MAD1L1: variants seen among roughly 807,000 people sequenced by gnomAD.
The protein encoded by MAD1L1 is mitotic arrest deficient 1 like 1, also known as mitotic spindle assembly checkpoint protein MAD1.
A neutral mutation model predicts 96.9 loss-of-function variants in MAD1L1; 95 were observed. The ratio of observed to expected loss-of-function variants is 0.98; its 90% confidence interval spans 0.83 to 1.16. MAD1L1 has a LOEUF of 1.16. Among genes scored for constraint, MAD1L1 ranks in the 50% most tolerant of loss-of-function variants. The probability of loss-of-function intolerance (pLI) is 0.00; values close to 1 mark genes in which losing one functional copy is unlikely to be tolerated. For missense variants in MAD1L1, 1,007 were observed against 954.4 expected (o/e 1.06, Z -0.73); for synonymous variants, 473 against 396.6 (o/e 1.19, Z -2.29).
intron 10 of MAD1L1, among the ~76,000 whole-genome samples, chr7:2,201,119 T>G (rs940650766): frequency 6.6e-6 from 1 of 152,086 alleles, no homozygotes; most frequent in Admixed American, 6.5e-5. Context: ...AAAGCTGACG[T>G]TGAGGAATGT....
At chr7:1,826,972 T>C (rs1782426015) in intron 18 of MAD1L1, among the ~76,000 whole-genome samples, 2 of 152,176 alleles carry the variant, frequency 1.3e-5, no homozygotes, top group African/African-American at 4.8e-5. Flanking sequence ...TTATTATTAT[T>C]ATTATTCTAT....
At chr7:1,940,933 C>G (rs58869359) in intron 16 of MAD1L1, among the ~76,000 whole-genome samples, 1 of 69,146 alleles carries the variant, frequency 1.4e-5, no homozygotes, top group African/African-American at 5.6e-5. Context: ...GACCCTCCTC[C>G]CCCAGGCCTC....
intron 7 of MAD1L1, 92 bp from the exon 8 acceptor site, chr7:2,216,379 G>A (rs562831719): frequency 8.3e-5 from 109 of 1,308,832 alleles, no homozygotes; most frequent in Non-Finnish European, 9.8e-5. Flanking sequence ...GAAGGAAGCC[G>A]GTCTGCAACG....
chr7:2,066,194 C>T (rs564647412), intron 12 of MAD1L1, among the ~76,000 whole-genome samples: 6 of 152,338 alleles, frequency 3.9e-5, no homozygotes, highest in South Asian at 4.1e-4. Context: ...AGCAGAGGCC[C>T]AGAGCCCCCA....
chr7:2,113,216 TG>T (rs895425964), intron 11 of MAD1L1, among the ~76,000 whole-genome samples: 4 of 152,208 alleles, frequency 2.6e-5, no homozygotes, highest in Non-Finnish European at 5.9e-5. Context: ...AAAACCGCCC[TG>T]GGGCCATGGT....
chr7:1,889,678 G>A (rs748968199), intron 18 of MAD1L1, among the ~76,000 whole-genome samples: 2 of 152,254 alleles, frequency 1.3e-5, no homozygotes, highest in African/African-American at 2.4e-5. Flanking sequence ...GGAGTTACAC[G>A]CTTCTTTCCC....
intron 17 of MAD1L1, among the ~76,000 whole-genome samples, chr7:1,934,481 G>C (rs943767981): frequency 6.6e-6 from 1 of 151,114 alleles, no homozygotes; most frequent in Non-Finnish European, 1.5e-5. Flanking sequence ...ACACACGAGC[G>C]AACCCTAGAC....
chr7:2,053,902 C>A (rs1458468596), intron 12 of MAD1L1, among the ~76,000 whole-genome samples: 1 of 152,258 alleles, frequency 6.6e-6, no homozygotes. Flanking sequence ...AACACGGAGA[C>A]CCGAGGAGAC....
At chr7:2,230,512 ACACAAGAGAAGGG>A in intron 2 of MAD1L1, 24 bp downstream of exon 2, 1 of 199,890 alleles carries the variant, frequency 5.0e-6, no homozygotes, top group South Asian at 9.8e-5. Flanking sequence ...ACAGAGACAG[ACACAAGAGAAGGG>A]CTTTATTGGG....
At chr7:2,061,615 C>A (rs1055161473) in intron 12 of MAD1L1, among the ~76,000 whole-genome samples, 2 of 152,200 alleles carry the variant, frequency 1.3e-5, no homozygotes, top group African/African-American at 4.8e-5. Context: ...GTAACTCTGG[C>A]GGGGGTGGCA....
intron 12 of MAD1L1, among the ~76,000 whole-genome samples, chr7:2,015,352 G>A (rs1171774508): frequency 1.3e-5 from 2 of 152,182 alleles, no homozygotes; most frequent in African/African-American, 2.4e-5. Flanking sequence ...GAGCAGCCAG[G>A]CCCAGCAGGG....
intron 11 of MAD1L1, among the ~76,000 whole-genome samples, chr7:2,079,515 G>A (rs1233355019): frequency 6.6e-6 from 1 of 152,170 alleles, no homozygotes; most frequent in Non-Finnish European, 1.5e-5. Context: ...TCTGATGAAC[G>A]CTCTGTTCCC....
rs541420250 is a variant in MAD1L1, at chr7:2,212,724, C to T, written c.986+488G>A. On this transcript the variant is annotated intron_variant, in intron 10 of 18. Transcript: ENST00000265854. Reference sequence around the variant, plus strand: ...CATGCTTCCTGTACAGCTGCAGAAGCGTGAGCCAATTCCACCTCTTCTCTT... The same window carrying T: ...CATGCTTCCTGTACAGCTGCAGAAGTGTGAGCCAATTCCACCTCTTCTCTT... 7.6e-4 allele frequency among the ~76,000 whole-genome samples: 115 copies of T among 152,284 alleles called. 2 individuals carry two copies. The highest frequency in any genetic ancestry group is 2.5e-3 in the African/African-American group (104 of 41,560).
At chr7:1,841,806 C>A (rs1394444424) in intron 18 of MAD1L1, among the ~76,000 whole-genome samples, 1 of 152,196 alleles carries the variant, frequency 6.6e-6, no homozygotes, top group East Asian at 1.9e-4. Context: ...ATGGGGAGAC[C>A]CCCAATCCTT....
intron 13 of MAD1L1, among the ~76,000 whole-genome samples, chr7:2,008,341 G>C (rs1437433261): frequency 6.6e-6 from 1 of 152,216 alleles, no homozygotes; most frequent in Non-Finnish European, 1.5e-5. Flanking sequence ...AGCACCCCCT[G>C]TGGAAACACC....
intron 10 of MAD1L1, among the ~76,000 whole-genome samples, chr7:2,165,450 T>G (rs1172449597): frequency 1.3e-5 from 2 of 152,174 alleles, no homozygotes; most frequent in East Asian, 3.9e-4. Flanking sequence ...GCCGTCAGCA[T>G]GAACCCACGG....
chr7:2,091,908 C>T (rs772202313), intron 11 of MAD1L1, among the ~76,000 whole-genome samples: 1 of 152,162 alleles, frequency 6.6e-6, no homozygotes, highest in South Asian at 2.1e-4. Context: ...TGTTGTGGTG[C>T]TTCTGGTTTT....
chr7:1,895,360 C>T (rs1035152474), intron 18 of MAD1L1, among the ~76,000 whole-genome samples: 1 of 152,160 alleles, frequency 6.6e-6, no homozygotes, highest in African/African-American at 2.4e-5. Flanking sequence ...GCCAGCACCC[C>T]CCTGGCAACA....
intron 17 of MAD1L1, among the ~76,000 whole-genome samples, chr7:1,907,035 C>CA (rs940853217): frequency 2.0e-5 from 3 of 152,168 alleles, no homozygotes; most frequent in Admixed American, 2.0e-4. Context: ...CCCAAGCCCC[C>CA]AACCCCATCC....
Sources: allele counts gnomAD v4.1 joint callset (sites outside exome capture counted in the v4.1 genomes callset), GRCh38; gene constraint gnomAD v4.1.1; transcripts MANE v1.5; gene names NCBI Gene and HGNC (gene_info 2026-07-23, HGNC 2026-07-21).